The following DIP2C variants were observed in gnomAD, a reference collection of about 807,000 sequenced individuals.
DIP2C encodes the protein disco-interacting protein 2 homolog C.
A neutral mutation model predicts 192.4 loss-of-function variants in DIP2C; 33 were observed. That is an observed-to-expected ratio of 0.17 (90% CI 0.13 to 0.23). The LOEUF (loss-of-function observed/expected upper bound fraction) is 0.23, where lower values mean the gene tolerates loss of function less well. Ranked by LOEUF, DIP2C falls within the 10% of genes least tolerant of loss-of-function variation. The pLI, the probability that DIP2C is intolerant of heterozygous loss-of-function variation, is 1.00. For missense variants in DIP2C, 1,537 were observed against 2,110.1 expected (o/e 0.73, Z 5.32); for synonymous variants, 979 against 864.1 (o/e 1.13, Z -2.33).
intron 1 of DIP2C, among the ~76,000 whole-genome samples, chr10:657,190 A>C (rs1289684858): frequency 7.9e-4 from 64 of 80,512 alleles, no homozygotes; most frequent in Non-Finnish European, 9.9e-4. Context: ...CCTGGACCTG[A>C]TGCTGGACCT....
At chr10:412,173 T>A (rs1422268397) in intron 8 of DIP2C, among the ~76,000 whole-genome samples, 1 of 152,226 alleles carries the variant, frequency 6.6e-6, no homozygotes, top group Non-Finnish European at 1.5e-5. Context: ...ATCCTTCTGA[T>A]CGACATCAGA....
At chr10:596,443 C>T (rs1851702606) in intron 1 of DIP2C, among the ~76,000 whole-genome samples, 1 of 130,796 alleles carries the variant, frequency 7.6e-6, no homozygotes, top group Non-Finnish European at 1.5e-5. Context: ...TTGCAGTGAG[C>T]CGAGATCATG....
In DIP2C at chr10:327,130, G is replaced by A. The variant is rs747706631; in HGVS notation, c.3800C>T (p.Ala1267Val). Reference sequence around the variant, plus strand: ...GAGTGCGATCCGAGGCCTCTCTTCCGCCACAACCACGCAGGTCCTCACTCG... The same window carrying A: ...GAGTGCGATCCGAGGCCTCTCTTCCACCACAACCACGCAGGTCCTCACTCG... ...LSRVRTCVVV[A>V]EERPRIALTQ... The change falls in exon 31 of 37, where the codon GCG becomes GTG. Residue 1267 changes from alanine to valine, a missense_variant. Coordinates refer to ENST00000280886, the MANE Select transcript of DIP2C (RefSeq NM_014974.3). 6.2e-6 allele frequency: 10 copies of A among 1,613,888 alleles called. No homozygotes were observed. The highest frequency in any genetic ancestry group is 1.7e-6 in the Non-Finnish European group (2 of 1,180,022).
At chr10:670,251 C>T (rs1019390946) in intron 1 of DIP2C, among the ~76,000 whole-genome samples, 3 of 151,820 alleles carry the variant, frequency 2.0e-5, no homozygotes, top group Middle Eastern at 3.4e-3. Context: ...TATGCACACA[C>T]GTACATGCAC....
intron 1 of DIP2C, among the ~76,000 whole-genome samples, chr10:655,340 C>A (rs1346188233): frequency 1.3e-5 from 2 of 152,194 alleles, no homozygotes; most frequent in African/African-American, 4.8e-5. Flanking sequence ...AACCCGGACC[C>A]AGCTGAGCTA....
intron 1 of DIP2C, among the ~76,000 whole-genome samples, chr10:587,449 C>T (rs1301389155): frequency 3.3e-5 from 5 of 152,210 alleles, no homozygotes; most frequent in Admixed American, 3.3e-4. Flanking sequence ...TGCCATAGGT[C>T]ACCCCATGTG....
At chr10:387,207 G>A (rs1445459551) in intron 14 of DIP2C, among the ~76,000 whole-genome samples, 2 of 152,206 alleles carry the variant, frequency 1.3e-5, no homozygotes, top group Non-Finnish European at 2.9e-5. Flanking sequence ...ATCTCCACGT[G>A]AGCCCTGGAA....
intron 29 of DIP2C, chr10:340,929 GAGTCT>G: frequency 1.8e-6 from 1 of 541,520 alleles, no homozygotes; most frequent in Non-Finnish European, 3.5e-6. Flanking sequence ...TGGAGCCTGG[GAGTCT>G]TCTGATTGTC....
At chr10:421,742 T>C (rs575439236) in intron 5 of DIP2C, among the ~76,000 whole-genome samples, 2 of 152,284 alleles carry the variant, frequency 1.3e-5, no homozygotes, top group South Asian at 4.1e-4. Context: ...AAAGAAATGG[T>C]TTTTTTCATT....
In DIP2C at chr10:589,146, T is replaced by TG. The variant is rs1025015305; in HGVS notation, c.85+100347dup. On this transcript the variant is annotated intron_variant, in intron 1 of 36. Coordinates refer to ENST00000280886, the MANE Select transcript of DIP2C (RefSeq NM_014974.3). The stretch of plus-strand genomic sequence containing the variant: ...TCCCCGTCCTTCTCGATGGAGCACC[T>TG]GTTCAGGTCTCTGCCCGCTTTTAAG... 4.6e-5 allele frequency among the ~76,000 whole-genome samples: 7 copies of TG among 152,206 alleles called. No homozygotes were observed. The East Asian group carries it at 7.7e-4, about 17-fold the overall frequency.
intron 1 of DIP2C, among the ~76,000 whole-genome samples, chr10:498,713 T>C (rs1845025893): frequency 6.6e-6 from 1 of 151,886 alleles, no homozygotes; most frequent in African/African-American, 2.4e-5. Context: ...CCAACCTCCA[T>C]CCCCAAGTAC....
intron 32 of DIP2C, among the ~76,000 whole-genome samples, chr10:293,028 A>G (rs964363577): frequency 2.0e-5 from 3 of 152,272 alleles, no homozygotes; most frequent in Non-Finnish European, 4.4e-5. Context: ...GTGCGCCGGC[A>G]TACGGCAGCA....
At chr10:508,084 G>GC (rs1395132126) in intron 1 of DIP2C, among the ~76,000 whole-genome samples, 1 of 152,040 alleles carries the variant, frequency 6.6e-6, no homozygotes, top group Non-Finnish European at 1.5e-5. Flanking sequence ...TGATGACCCA[G>GC]CACCTCTGCT....
chr10:536,209 C>T (rs1847683360), intron 1 of DIP2C, among the ~76,000 whole-genome samples: 1 of 152,230 alleles, frequency 6.6e-6, no homozygotes, highest in African/African-American at 2.4e-5. Flanking sequence ...CCACATCACG[C>T]CCATCTCTGC....
At chr10:575,284 CTT>C in intron 1 of DIP2C, among the ~76,000 whole-genome samples, 1 of 152,312 alleles carries the variant, frequency 6.6e-6, no homozygotes, top group South Asian at 2.1e-4. Flanking sequence ...AAAATCCAGT[CTT>C]TGTGATTGCT....
At chr10:472,621 T>C (rs946980181) in intron 2 of DIP2C, 72 bp from the exon 3 acceptor site, 4 of 1,322,566 alleles carry the variant, frequency 3.0e-6, no homozygotes, top group Non-Finnish European at 4.3e-6. Flanking sequence ...TAACAAATCA[T>C]GCCCTCCATC....
At chr10:413,854 G>A (rs763332243) in intron 8 of DIP2C, 59 bp downstream of exon 8, 112 of 1,576,100 alleles carry the variant, frequency 7.1e-5, no homozygotes, top group Non-Finnish European at 8.7e-5. Flanking sequence ...AGTTTCCTGC[G>A]TTCGGGAGTG....
rs563101903 is a variant in DIP2C at position 586,763 on chromosome 10, C to A, written c.86-100233G>T. On this transcript the variant is annotated intron_variant, in intron 1 of 36. Transcript: ENST00000280886. ...TGCAAGGCCAGGTCCAGGGAACGTT[C>A]TGGATCTCAGATAGATAATGGCTTA... is the stretch of plus-strand genomic sequence containing the variant. Among the ~76,000 whole-genome samples, 4 of 152,348 alleles carry A rather than the reference C, an allele frequency of 2.6e-5. No homozygotes were observed. In the East Asian group the frequency reaches 7.7e-4, roughly 29 times the overall value.
rs545139350 is a variant in DIP2C at position 605,168 on chromosome 10, G to A, written c.85+84326C>T. Among the ~76,000 whole-genome samples the A allele has an allele frequency of 1.9e-4, 29 of 152,276 alleles. No homozygotes were observed. In the East Asian group the frequency reaches 4.6e-3, roughly 24 times the overall value. ...GGCTTCCCCTCTGATGCAGAGAGCT[G>A]GTCACTCCGCCGGCTGCACTCAGAG... On this transcript the variant is annotated intron_variant, in intron 1 of 36. Coordinates refer to ENST00000280886, the MANE Select transcript of DIP2C (RefSeq NM_014974.3).
Sources: allele counts gnomAD v4.1 joint callset (sites outside exome capture counted in the v4.1 genomes callset), GRCh38; gene constraint gnomAD v4.1.1; transcripts MANE v1.5; gene names NCBI Gene and HGNC (gene_info 2026-07-23, HGNC 2026-07-21).